Variants in LRRTM4 observed in about 807,000 individuals in gnomAD.
LRRTM4 encodes leucine rich repeat transmembrane neuronal 4, also known as leucine-rich repeat transmembrane neuronal protein 4.
LRRTM4 carries 25 observed loss-of-function variants against 47.6 expected under a neutral mutation model. That is an observed-to-expected ratio of 0.53 (90% confidence interval 0.38 to 0.73). The LOEUF is 0.73. LRRTM4 is among the 30% of genes least tolerant of loss of function. LRRTM4 has a pLI of 0.00. For missense variants in LRRTM4, 638 were observed against 713.4 expected (o/e 0.89, Z 1.20); for synonymous variants, 311 against 269.5 (o/e 1.15, Z -1.51).
chr2:77,503,688 A>G (rs1462810117), intron 3 of LRRTM4, among the ~76,000 whole-genome samples: 1 of 151,520 alleles, frequency 6.6e-6, no homozygotes, highest in African/African-American at 2.4e-5. Flanking sequence ...GGATGTAGCC[A>G]TAAGAAAAAC....
At chr2:76,991,445 G>A (rs986054322) in intron 3 of LRRTM4, among the ~76,000 whole-genome samples, 1 of 151,436 alleles carries the variant, frequency 6.6e-6, no homozygotes, top group Non-Finnish European at 1.5e-5. Context: ...AAACAACAAA[G>A]GTGACATTAC....
intron 3 of LRRTM4, among the ~76,000 whole-genome samples, chr2:77,134,617 T>C (rs1293975289): frequency 6.6e-6 from 1 of 152,192 alleles, no homozygotes; most frequent in Non-Finnish European, 1.5e-5. Flanking sequence ...TGAGCTTTCC[T>C]TTTATTTTCA....
intron 3 of LRRTM4, among the ~76,000 whole-genome samples, chr2:77,323,488 T>G (rs762876081): frequency 1.1e-4 from 16 of 152,264 alleles, no homozygotes; most frequent in Non-Finnish European, 5.9e-5. Flanking sequence ...TCTGTTTGTT[T>G]CTTATGCCAG....
chr2:77,165,593 T>A (rs1672857970), intron 3 of LRRTM4, among the ~76,000 whole-genome samples: 1 of 152,178 alleles, frequency 6.6e-6, no homozygotes, highest in African/African-American at 2.4e-5. Flanking sequence ...CAGCAGCACA[T>A]CGAAAAGCTT....
At chr2:77,272,815 C>T (rs1045515793) in intron 3 of LRRTM4, among the ~76,000 whole-genome samples, 1 of 152,110 alleles carries the variant, frequency 6.6e-6, no homozygotes, top group Non-Finnish European at 1.5e-5. Flanking sequence ...TGATCTCTTG[C>T]ACATACTGGA....
chr2:76,883,255 T>A, intron 3 of LRRTM4, among the ~76,000 whole-genome samples: 1 of 152,210 alleles, frequency 6.6e-6, no homozygotes, highest in Non-Finnish European at 1.5e-5. Context: ...GTGTGTTTAA[T>A]CAGTCTGTGC....
chr2:76,762,071 GC>G (rs1673279039), intron 3 of LRRTM4, among the ~76,000 whole-genome samples: 1 of 152,122 alleles, frequency 6.6e-6, no homozygotes. Flanking sequence ...CCCAACTACA[GC>G]CGCTACCCAT....
Position 77,519,988 on chromosome 2 carries a change from C to T in LRRTM4, c.5-124G>A, listed in dbSNP as rs1679419835. The T allele has an allele frequency of 3.6e-6, 5 of 1,399,296 alleles. No individual in the cohort carries two copies. The African/African-American group carries it at 4.4e-5, about 12-fold the overall frequency. 86.7% of individuals were successfully genotyped at this position (1,399,296 alleles called of 1,614,324 possible). A position where few individuals can be genotyped will look rare whatever the true frequency, so the allele number is the denominator to read the frequency against. ...TGGGACAGTTGATTTAAGGAAAATG[C>T]ATTAACATTTCGAGCATTATTTTCT... On this transcript the variant is annotated intron_variant, in intron 2 of 3. Coordinates refer to ENST00000409884, the MANE Select transcript of LRRTM4 (RefSeq NM_001134745.3). The surrounding 1 kb of genome is among the most constrained non-coding windows in gnomAD (Gnocchi z 4.6).
At chr2:77,143,376 T>G (rs561885141) in intron 3 of LRRTM4, among the ~76,000 whole-genome samples, 4 of 152,292 alleles carry the variant, frequency 2.6e-5, no homozygotes, top group African/African-American at 9.6e-5. Flanking sequence ...TAATTTGATA[T>G]TCAAATACCA....
At chr2:77,382,288 C>T (rs1673084098) in intron 3 of LRRTM4, among the ~76,000 whole-genome samples, 2 of 152,072 alleles carry the variant, frequency 1.3e-5, no homozygotes, top group Admixed American at 1.3e-4. Context: ...TATTTGCACA[C>T]TTTAACCTAA....
intron 3 of LRRTM4, among the ~76,000 whole-genome samples, chr2:77,103,919 G>A (rs1376358226): frequency 1.3e-5 from 2 of 151,942 alleles, no homozygotes; most frequent in Admixed American, 6.6e-5. Flanking sequence ...TGAAGACAAA[G>A]AGAAATAATA....
At chr2:77,432,633 G>A (rs1675428975) in intron 3 of LRRTM4, among the ~76,000 whole-genome samples, 2 of 152,162 alleles carry the variant, frequency 1.3e-5, no homozygotes, top group Non-Finnish European at 2.9e-5. Flanking sequence ...TAAGAGATAA[G>A]TATACTTTTA....
intron 3 of LRRTM4, among the ~76,000 whole-genome samples, chr2:77,489,024 C>T (rs1206687068): frequency 6.6e-6 from 1 of 150,924 alleles, no homozygotes; most frequent in East Asian, 1.9e-4. Flanking sequence ...TAAGAGACTA[C>T]CTATGAAAAA....
At chr2:76,970,682 C>T (rs1004401122) in intron 3 of LRRTM4, among the ~76,000 whole-genome samples, 31 of 151,906 alleles carry the variant, frequency 2.0e-4, no homozygotes, top group African/African-American at 7.5e-4. Flanking sequence ...TATGTTCTGC[C>T]AAAAGTTATA....
intron 3 of LRRTM4, among the ~76,000 whole-genome samples, chr2:77,473,236 C>T (rs1677259107): frequency 6.6e-6 from 1 of 152,026 alleles, no homozygotes; most frequent in African/African-American, 2.4e-5. Flanking sequence ...CTAAATGTTA[C>T]AATATATTGT....
intron 3 of LRRTM4, among the ~76,000 whole-genome samples, chr2:76,958,940 G>A (rs1359168586): frequency 4.0e-5 from 6 of 151,592 alleles, no homozygotes; most frequent in South Asian, 2.1e-4. Context: ...CGCTTGTGTA[G>A]AGCTTGTGTA....
intron 3 of LRRTM4, among the ~76,000 whole-genome samples, chr2:77,329,797 T>G (rs1258998694): frequency 6.6e-6 from 1 of 152,070 alleles, no homozygotes; most frequent in Non-Finnish European, 1.5e-5. Context: ...GAGTGAAGGA[T>G]AACTTATAGA....
intron 3 of LRRTM4, among the ~76,000 whole-genome samples, chr2:76,885,556 G>A (rs1315423888): frequency 6.8e-6 from 1 of 147,654 alleles, no homozygotes; most frequent in African/African-American, 2.5e-5. Flanking sequence ...TCCGCCTCCC[G>A]GGTTCACGCC....
chr2:76,912,485 C>A (rs1674104118), intron 3 of LRRTM4, among the ~76,000 whole-genome samples: 1 of 152,042 alleles, frequency 6.6e-6, no homozygotes, highest in East Asian at 1.9e-4. Context: ...AGAATAAATT[C>A]TTAGAAACAA....
Sources: gnomAD v4.1 joint callset for allele counts (sites outside exome capture counted in the v4.1 genomes callset) on GRCh38, gnomAD v4.1.1 for gene constraint, Gnocchi (gnomAD v3.1) non-coding constraint, MANE v1.5 for transcripts, NCBI Gene and HGNC (gene_info 2026-07-23, HGNC 2026-07-21) for gene names.